Variants in ATP9A observed in about 807,000 individuals in gnomAD.
ATP9A encodes the protein probable phospholipid-transporting ATPase IIA.
Under a neutral mutation model 144.1 loss-of-function variants are expected in ATP9A, and 52 were observed. That is an observed-to-expected ratio of 0.36 (90% CI 0.29 to 0.45). The LOEUF is 0.45. ATP9A is among the 20% of genes least tolerant of loss of function. The pLI is 1.00. For missense variants in ATP9A, 947 were observed against 1,392.7 expected (o/e 0.68, Z 5.09); for synonymous variants, 582 against 557.4 (o/e 1.04, Z -0.62).
intron 6 of ATP9A, among the ~76,000 whole-genome samples, chr20:51,695,773 G>A (rs768121279): frequency 9.9e-5 from 15 of 152,184 alleles, no homozygotes; most frequent in Non-Finnish European, 2.1e-4. Flanking sequence ...CTACATGGTA[G>A]AGACACTTCC....
Position 51,599,671 on chromosome 20 carries a change from G to A in ATP9A, c.*1540C>T, listed in dbSNP as rs1255242917. 1 of 152,170 alleles carries A rather than the reference G, an allele frequency of 6.6e-6. No individual in the cohort carries two copies. Among genetic ancestry groups the A allele is most frequent in the African/African-American group, 2.4e-5 (1 of 41,432 alleles). The allele number at this position is 152,170 out of a possible 1,614,324, so 9.4% of individuals were successfully genotyped here. Reference sequence around the variant, plus strand: ...TTATCAAGAGTGCTCCAAAGGCAAGGGACTATCTGATCCTCGTGTCTCCAG... The same window carrying A: ...TTATCAAGAGTGCTCCAAAGGCAAGAGACTATCTGATCCTCGTGTCTCCAG... On this transcript the variant is annotated 3_prime_UTR_variant, in exon 28 of 28. Transcript: ENST00000338821.
At chr20:51,754,386 C>T (rs2077847012) in intron 1 of ATP9A, among the ~76,000 whole-genome samples, 1 of 151,938 alleles carries the variant, frequency 6.6e-6, no homozygotes, top group Non-Finnish European at 1.5e-5. Context: ...GCCTGTAATC[C>T]CAGCTACGCA....
chr20:51,726,133 C>T (rs1000233881), intron 2 of ATP9A, among the ~76,000 whole-genome samples: 4 of 151,734 alleles, frequency 2.6e-5, no homozygotes, highest in Admixed American at 1.3e-4. Flanking sequence ...ACCAACATGG[C>T]GAAACCCTGT....
At chr20:51,737,585 C>T (rs2077767839) in intron 1 of ATP9A, among the ~76,000 whole-genome samples, 1 of 152,190 alleles carries the variant, frequency 6.6e-6, no homozygotes, top group South Asian at 2.1e-4. Context: ...AAAGATACTA[C>T]TCACAGTATT....
intron 14 of ATP9A, among the ~76,000 whole-genome samples, chr20:51,648,431 T>A (rs953844025): frequency 2.0e-5 from 3 of 152,188 alleles, no homozygotes; most frequent in African/African-American, 7.2e-5. Context: ...CATCGTGGCA[T>A]GATTTATGAT....
At chr20:51,748,119 C>T (rs1213121515) in intron 1 of ATP9A, among the ~76,000 whole-genome samples, 2 of 152,112 alleles carry the variant, frequency 1.3e-5, no homozygotes, top group Non-Finnish European at 2.9e-5. Flanking sequence ...GACTGGCAAA[C>T]TCAAACCTAC....
chr20:51,599,222 G>A lies in ATP9A; in HGVS notation c.*1989C>T, dbSNP rs528940544. 15 of 152,302 alleles carry A rather than the reference G, an allele frequency of 9.8e-5. No homozygotes were observed. Among genetic ancestry groups the A allele is most frequent in the Admixed American group, 7.2e-4 (11 of 15,296 alleles). The allele number at this position is 152,302 out of a possible 1,614,324, so 9.4% of individuals were successfully genotyped here. ...GTACAGGGTTTGCAAAGTCTAAACA[G>A]GACTATCTTAAGACTTCCCAGCGTT... On this transcript the variant is annotated 3_prime_UTR_variant, in exon 28 of 28. Coordinates refer to ENST00000338821, the MANE Select transcript of ATP9A (RefSeq NM_006045.3).
intron 9 of ATP9A, among the ~76,000 whole-genome samples, chr20:51,686,603 G>A (rs2077524217): frequency 1.3e-5 from 2 of 152,114 alleles, no homozygotes; most frequent in Admixed American, 1.3e-4. Flanking sequence ...TAGCTGACAG[G>A]TAGAAAGACA....
chr20:51,620,842 C>A (rs927336007), intron 19 of ATP9A, among the ~76,000 whole-genome samples: 5 of 152,026 alleles, frequency 3.3e-5, no homozygotes, highest in African/African-American at 9.7e-5. Flanking sequence ...GTGTCTCAGG[C>A]AGCTAAAATT....
intron 4 of ATP9A, among the ~76,000 whole-genome samples, chr20:51,698,560 C>T (rs975964090): frequency 1.3e-5 from 2 of 151,996 alleles, no homozygotes; most frequent in Non-Finnish European, 2.9e-5. Context: ...GTATGCCAGG[C>T]GTTCTAAGGG....
intron 13 of ATP9A, among the ~76,000 whole-genome samples, chr20:51,659,902 T>TCAGGAG (rs2077404091): frequency 6.6e-6 from 1 of 152,234 alleles, no homozygotes; most frequent in Admixed American, 6.5e-5. Context: ...CACACGAGTT[T>TCAGGAG]CACTTCCAGG....
intron 3 of ATP9A, among the ~76,000 whole-genome samples, chr20:51,725,610 C>T (rs8123694): frequency 0.068 from 10,291 of 152,194 alleles, 786 homozygotes; most frequent in African/African-American, 0.19. Flanking sequence ...AATAAATGAA[C>T]GGCACAGGCT....
At chr20:51,636,695 C>T (rs779929114) in intron 15 of ATP9A, among the ~76,000 whole-genome samples, 4 of 147,914 alleles carry the variant, frequency 2.7e-5, no homozygotes, top group African/African-American at 5.3e-5. Flanking sequence ...GGTTTCTGAG[C>T]CTCCTTCCAC....
chr20:51,619,181 A>G, intron 19 of ATP9A, 138 bp from the exon 20 acceptor site: 1 of 668,908 alleles, frequency 1.5e-6, no homozygotes, highest in South Asian at 1.8e-5. Flanking sequence ...CACCAGAGGC[A>G]GCACCAAATG....
chr20:51,707,050 C>A (rs576002419), intron 4 of ATP9A, among the ~76,000 whole-genome samples: 2 of 152,260 alleles, frequency 1.3e-5, no homozygotes, highest in South Asian at 4.1e-4. Flanking sequence ...GGTTCTGTAG[C>A]CTGCCACCCC....
In ATP9A at chr20:51,689,774, T is replaced by G. The variant is rs576582693; in HGVS notation, c.724-635A>C. On this transcript the variant is annotated intron_variant, in intron 8 of 27. Transcript: ENST00000338821. ...ATTTCTCTTCTGAAAGGTCTGGAAG[T>G]GGCTTAAAAATTATGAAAATGGCAG... 2.0e-5 allele frequency among the ~76,000 whole-genome samples: 3 copies of G among 151,714 alleles called. No individual in the cohort carries two copies. In the South Asian group the frequency reaches 6.3e-4, roughly 32 times the overall value.
Position 51,642,726 on chromosome 20 carries a change from C to CAAAAAAAAAA in ATP9A, c.1507-3232_1507-3223dup, listed in dbSNP as rs778440862. ...GGGTGACTGAGTGAGACTCTGTCTC[C>CAAAAAAAAAA]AAAAAAAAAAAAAAAAAAAAAAAAA... On this transcript the variant is annotated intron_variant, in intron 14 of 27. Transcript: ENST00000338821. 1.2e-3 allele frequency among the ~76,000 whole-genome samples: 38 copies of CAAAAAAAAAA among 31,138 alleles called. 3 individuals carry two copies. The highest frequency in any genetic ancestry group is 2.1e-3 in the African/African-American group (24 of 11,178). The allele number at this position is 31,138 out of a possible 152,430, so 20.4% of individuals were successfully genotyped here.
chr20:51,656,713 C>T (rs1337210342), intron 14 of ATP9A, among the ~76,000 whole-genome samples: 1 of 152,086 alleles, frequency 6.6e-6, no homozygotes, highest in Non-Finnish European at 1.5e-5. Flanking sequence ...AGTTACAAAA[C>T]AAAATCTCTA....
chr20:51,652,630 T>A (rs1156250765), intron 14 of ATP9A, among the ~76,000 whole-genome samples: 1 of 152,200 alleles, frequency 6.6e-6, no homozygotes, highest in Non-Finnish European at 1.5e-5. Context: ...TATAAACCTA[T>A]TTGTATTTGG....
Sources: gnomAD v4.1 joint callset for allele counts (sites outside exome capture counted in the v4.1 genomes callset) on GRCh38, gnomAD v4.1.1 for gene constraint, MANE v1.5 for transcripts, NCBI Gene and HGNC (gene_info 2026-07-23, HGNC 2026-07-21) for gene names.